Variants in SLC25A19 observed in about 807,000 individuals in gnomAD.
SLC25A19 encodes solute carrier family 25 member 19.
SLC25A19 carries 18 observed loss-of-function variants against 27.9 expected under a neutral mutation model. That is an observed-to-expected ratio of 0.64 (90% CI 0.45 to 0.96). SLC25A19 has a LOEUF of 0.96. Among genes scored for constraint, SLC25A19 ranks in the 40% least tolerant of loss-of-function variants. The pLI, the probability that SLC25A19 is intolerant of heterozygous loss-of-function variation, is 0.00. For missense variants in SLC25A19, 371 were observed against 418.3 expected (o/e 0.89, Z 0.99); for synonymous variants, 169 against 167.1 (o/e 1.01, Z -0.09).
In SLC25A19 at chr17:75,279,154, G is replaced by A. The variant is rs149244880; in HGVS notation, c.460-819C>T. 3.5e-4 allele frequency among the ~76,000 whole-genome samples: 53 copies of A among 151,264 alleles called. No homozygotes were observed. In the East Asian group the frequency reaches 3.7e-3, roughly 11 times the overall value. ...ATTACAGGCATGAGCCACTGCACCC[G>A]GCCAAGCATGTTACTTAGAATTATG... On this transcript the variant is annotated intron_variant, in intron 5 of 7. Coordinates refer to ENST00000416858, the MANE Select transcript of SLC25A19 (RefSeq NM_001126121.2).
intron 4 of SLC25A19, among the ~76,000 whole-genome samples, chr17:75,284,360 G>A (rs974364771): frequency 3.9e-5 from 6 of 152,124 alleles, no homozygotes; most frequent in Non-Finnish European, 5.9e-5. Context: ...CTGAGATTGC[G>A]CCACTGCACT....
intron 7 of SLC25A19, among the ~76,000 whole-genome samples, chr17:75,276,599 C>T (rs1040420146): frequency 2.0e-5 from 3 of 149,710 alleles, no homozygotes; most frequent in African/African-American, 7.3e-5. Flanking sequence ...AACTCCTGAC[C>T]TCAGGTGATC....
chr17:75,281,087 G>C (rs1407986624), intron 5 of SLC25A19, among the ~76,000 whole-genome samples: 1 of 152,038 alleles, frequency 6.6e-6, no homozygotes, highest in Non-Finnish European at 1.5e-5. Context: ...AGCTACTTGA[G>C]AGGTTGAGGC....
Position 75,284,788 on chromosome 17 carries a change from G to A in SLC25A19, c.289-1195C>T, listed in dbSNP as rs373000942. ...TCCTCAAGTAGCTGGGATTACAGGC[G>A]CATGCCACCATGTCCAGCTAATTTT... On this transcript the variant is annotated intron_variant, in intron 4 of 7. Coordinates refer to ENST00000416858, the MANE Select transcript of SLC25A19 (RefSeq NM_001126121.2). 1.9e-4 allele frequency among the ~76,000 whole-genome samples: 29 copies of A among 151,796 alleles called. 1 individual carries two copies. The East Asian group carries it at 3.5e-3, about 18-fold the overall frequency.
intron 7 of SLC25A19, among the ~76,000 whole-genome samples, chr17:75,276,853 T>G (rs1271279157): frequency 6.7e-6 from 1 of 150,250 alleles, no homozygotes; most frequent in Non-Finnish European, 1.5e-5. Flanking sequence ...TTTTTTGTTT[T>G]TTTTTTTTTT....
chr17:75,276,683 ATTTTT>A (rs1047743139), intron 7 of SLC25A19, among the ~76,000 whole-genome samples: 1 of 137,700 alleles, frequency 7.3e-6, no homozygotes, highest in African/African-American at 2.7e-5. Context: ...CTCTGGACAT[ATTTTT>A]TTTTGAGATG....
Position 75,278,173 on chromosome 17 carries a change from G to A in SLC25A19, c.622C>T (p.Pro208Ser), listed in dbSNP as rs200276538. 515 of 1,613,718 alleles carry A rather than the reference G, an allele frequency of 3.2e-4. 1 individual carries two copies. Among genetic ancestry groups the A allele is most frequent in the Non-Finnish European group, 4.0e-4 (468 of 1,180,026 alleles). Residue 208 changes from proline to serine, a missense_variant, in exon 6 of 8, where the codon CCA becomes TCA. Pro to Ser is a moderately conservative substitution (Grantham distance 74, BLOSUM62 -1). Transcript: ENST00000416858. ...TCACCATTTTTCTTTCCTTCGGCTG[G>A]TATGGCCCACTTGTACAGGTGCTTC... ...SLKHLYKWAI[P>S]AEGKKNENLQ...
chr17:75,275,514 C>T (rs139286440), intron 7 of SLC25A19, among the ~76,000 whole-genome samples: 4 of 152,162 alleles, frequency 2.6e-5, no homozygotes, highest in African/African-American at 7.2e-5. Flanking sequence ...CCTGGAATTG[C>T]CCATCCTTAG....
chr17:75,280,776 T>C lies in SLC25A19; in HGVS notation c.460-2441A>G, dbSNP rs546518238. 2.0e-5 allele frequency among the ~76,000 whole-genome samples: 3 copies of C among 151,110 alleles called. No individual in the cohort carries two copies. The East Asian group carries it at 5.9e-4, about 30-fold the overall frequency. Reference sequence around the variant, plus strand: ...GCAGCCTCAGCGACAGAGTGAGACTTCATCTGAAAAAAAAATTAGCTGGGC... The same window carrying C: ...GCAGCCTCAGCGACAGAGTGAGACTCCATCTGAAAAAAAAATTAGCTGGGC... On this transcript the variant is annotated intron_variant, in intron 5 of 7. Transcript: ENST00000416858.
At chr17:75,276,058 G>A (rs565253819) in intron 7 of SLC25A19, among the ~76,000 whole-genome samples, 1 of 152,070 alleles carries the variant, frequency 6.6e-6, no homozygotes, top group Non-Finnish European at 1.5e-5. Flanking sequence ...TGGATCACCT[G>A]AGGTCAGGAG....
At chr17:75,286,905 T>G in intron 2 of SLC25A19, 103 bp from the exon 3 acceptor site, 4 of 1,151,378 alleles carry the variant, frequency 3.5e-6, no homozygotes, top group Admixed American at 2.0e-5. Context: ...CTGTCTAAAA[T>G]AGCACTCACT....
intron 5 of SLC25A19, among the ~76,000 whole-genome samples, chr17:75,278,591 G>A (rs946243147): frequency 2.0e-5 from 3 of 152,120 alleles, no homozygotes; most frequent in African/African-American, 4.8e-5. Flanking sequence ...TCACTGCAGC[G>A]TCCTGGGGAA....
rs565084297 is a variant in SLC25A19 at position 75,279,738 on chromosome 17, A to ACCTTGTGATCCGCCCG, written c.460-1419_460-1404dup. Among the ~76,000 whole-genome samples the ACCTTGTGATCCGCCCG allele has an allele frequency of 6.2e-4, 94 of 151,854 alleles. 2 individuals are homozygous for ACCTTGTGATCCGCCCG. In the South Asian group the frequency reaches 0.018, roughly 29 times the overall value. ...TGGCCAGGATGATCTCGATCTCCTG[A>ACCTTGTGATCCGCCCG]CCTTGTGATCCGCCCGCCTTGGCCT... On this transcript the variant is annotated intron_variant, in intron 5 of 7. Transcript: ENST00000416858.
At position 75,278,319 on chromosome 17, in the gene SLC25A19, C is replaced by T. The variant is rs778166940; in HGVS notation, c.476G>A (p.Arg159His). 17 of 1,613,966 alleles carry T rather than the reference C, an allele frequency of 1.1e-5. No homozygotes were observed. Among genetic ancestry groups the T allele is most frequent in the Middle Eastern group, 3.3e-4 (2 of 6,084 alleles). The change falls in exon 6 of 8, where the codon CGC (arginine) becomes CAC (histidine). Residue 159 changes from arginine to histidine, a missense_variant. Arg to His is a conservative substitution (Grantham distance 29, BLOSUM62 0). Coordinates refer to ENST00000416858, the MANE Select transcript of SLC25A19 (RefSeq NM_001126121.2). ...CCTATACATGGTCCCCACGGCGTGG[C>T]GCAGCGTATTATAGACCTGGACACA... is the stretch of plus-strand genomic sequence containing the variant. ...QGEPKVYNTL[R>H]HAVGTMYRSE... is the part of the protein sequence containing the mutation.
At chr17:75,278,548 C>A (rs2145747410) in intron 5 of SLC25A19, among the ~76,000 whole-genome samples, 2 of 152,268 alleles carry the variant, frequency 1.3e-5, no homozygotes, top group South Asian at 4.1e-4. Flanking sequence ...ACTGTTATAT[C>A]CACAGGTGTG....
Position 75,278,352 on chromosome 17 carries a change from A to G in SLC25A19, c.460-17T>C, listed in dbSNP as rs766620900. 5 of 1,613,954 alleles carry G rather than the reference A, an allele frequency of 3.1e-6. 1 individual carries two copies. In the Admixed American group the frequency reaches 5.0e-5, roughly 16 times the overall value. On this transcript the variant is annotated splice_polypyrimidine_tract_variant and intron_variant, in intron 5 of 7. Transcript: ENST00000416858. ...ATTATAGACCTGGACACACACACGC[A>G]CTTTGAATGAGCTCAGTGAAGTGGT... is the stretch of plus-strand genomic sequence containing the variant.
chr17:75,286,466 A>G lies in SLC25A19; in HGVS notation c.133-7T>C, dbSNP rs778548771. ...ACAGGCGCTCATGCTGAAGCTAGGA[A>G]TCAAAATAAAAAAGGTCAGGACAGT... On this transcript the variant is annotated splice_region_variant and splice_polypyrimidine_tract_variant and intron_variant, in intron 3 of 7. Transcript: ENST00000416858. The G allele has an allele frequency of 1.2e-6, 2 of 1,613,886 alleles. No homozygotes were observed. Among genetic ancestry groups the G allele is most frequent in the Non-Finnish European group, 1.7e-6 (2 of 1,179,838 alleles).
intron 5 of SLC25A19, among the ~76,000 whole-genome samples, chr17:75,282,198 A>C (rs1368535703): frequency 6.6e-6 from 1 of 152,078 alleles, no homozygotes; most frequent in Non-Finnish European, 1.5e-5. Flanking sequence ...GGCTTCAGTG[A>C]GCAGTGATCA....
At chr17:75,277,579 C>A in intron 6 of SLC25A19, 96 bp from the exon 7 acceptor site, 1 of 1,432,564 alleles carries the variant, frequency 7.0e-7, no homozygotes. Flanking sequence ...CCACCACAAA[C>A]CAAACCCCAC....
Sources: allele counts gnomAD v4.1 joint callset (sites outside exome capture counted in the v4.1 genomes callset), GRCh38; gene constraint gnomAD v4.1.1; transcripts MANE v1.5; gene names NCBI Gene and HGNC (gene_info 2026-07-23, HGNC 2026-07-21).